NEK8: variants seen among roughly 807,000 people sequenced by gnomAD.
NEK8 encodes the protein NIMA related kinase 8.
Under a neutral mutation model 77.2 loss-of-function variants are expected in NEK8, and 51 were observed. The observed-to-expected ratio is 0.66, with a 90% CI of 0.53 to 0.83. The LOEUF is 0.83. Among genes scored for constraint, NEK8 ranks in the 40% least tolerant of loss-of-function variants. The pLI is 0.00. For missense variants in NEK8, 787 were observed against 909.2 expected, an observed-to-expected ratio of 0.87 and a Z score of 1.73; for synonymous variants, 365 against 363.2, an observed-to-expected ratio of 1.00 and a Z score of -0.06.
At chr17:28,739,054 C>G (rs770538383) in intron 9 of NEK8, 30 bp from the exon 10 acceptor site, 3 of 1,541,192 alleles carry the variant, frequency 1.9e-6, no homozygotes, top group South Asian at 1.1e-5. Flanking sequence ...ACCCTTTGCC[C>G]AGTTTCTCCT....
chr17:28,731,872 TGGGATTACAGGC>T (rs1187208091), intron 1 of NEK8, among the ~76,000 whole-genome samples: 1 of 145,230 alleles, frequency 6.9e-6, no homozygotes, highest in East Asian at 2.1e-4. Flanking sequence ...CCCAAAGGCC[TGGGATTACAGGC>T]GTGAGCCACC....
intron 2 of NEK8, 95 bp downstream of exon 2, chr17:28,734,283 A>G: frequency 8.8e-7 from 1 of 1,131,284 alleles, no homozygotes; most frequent in Non-Finnish European, 1.3e-6. Flanking sequence ...TGGAATGGGC[A>G]TGGCCAAGGG....
Position 28,737,962 on chromosome 17 carries a change from G to T in NEK8, c.1033G>T (p.Ala345Ser), listed in dbSNP as rs1429254135. 1 of 1,612,328 alleles carries T rather than the reference G, an allele frequency of 6.2e-7. No homozygotes were observed. The highest frequency in any genetic ancestry group is 8.5e-7 in the Non-Finnish European group (1 of 1,179,066). ...VQVAAGRTQKAGVTRSGRLIL... is the reference protein window; with the variant it reads ...VQVAAGRTQKSGVTRSGRLIL... ...GGTGGCAGCTGGGCGCACGCAGAAA[G>T]CCGGCGTCACGCGCTCTGGGCGTCT... is the stretch of plus-strand genomic sequence containing the variant. The change falls in exon 7 of 15, where the codon GCC becomes TCC. Residue 345 changes from alanine to serine, a missense_variant. Ala to Ser is a moderately conservative substitution (Grantham distance 99). Around this residue, in one of 2 missense-constraint regions of NEK8, gnomAD observed 516 missense variants for 544.0 expected, o/e 0.95. Coordinates refer to ENST00000268766, the MANE Select transcript of NEK8 (RefSeq NM_178170.3). The surrounding 1 kb of genome is among the most constrained non-coding windows in gnomAD (Gnocchi z 4.8).
Position 28,737,371 on chromosome 17 carries a change from C to T in NEK8, c.684C>T (p.Ser228=), listed in dbSNP as rs2034374985. 1.9e-6 allele frequency: 3 copies of T among 1,613,736 alleles called. No individual in the cohort carries two copies. The highest frequency in any genetic ancestry group is 2.7e-5 in the African/African-American group (2 of 74,932). The change falls in exon 5 of 15, where the codon AGC becomes AGT. Residue 228 remains serine, a synonymous_variant. Transcript: ENST00000268766. The surrounding 1 kb of genome is among the most constrained non-coding windows in gnomAD (Gnocchi z 4.8). ...GTFAPISDRY[S]PELRQLVLSL... is the part of the protein sequence containing the mutation. The stretch of plus-strand genomic sequence containing the variant: ...TTGCACCTATCTCTGACCGGTACAG[C>T]CCTGAGCTTCGCCAGCTGGTCCTGA...
chr17:28,741,436 A>C lies in NEK8; in HGVS notation c.1915A>C (p.Lys639Gln), dbSNP rs148904248. 76 of 1,613,972 alleles carry C rather than the reference A, an allele frequency of 4.7e-5. No individual in the cohort carries two copies. The highest frequency in any genetic ancestry group is 5.8e-5 in the Non-Finnish European group (69 of 1,180,008). ...GAESEVYSWG[K>Q]GARGRLGRRD... ...AGAGAGCGAAGTGTACTCTTGGGGCAAAGGGGCGCGAGGTCGATTGGGAAG... is the reference window on the plus strand; with the variant it reads ...AGAGAGCGAAGTGTACTCTTGGGGCCAAGGGGCGCGAGGTCGATTGGGAAG... Residue 639 changes from lysine to glutamine, a missense_variant, in exon 14 of 15, where the codon AAA (lysine) becomes CAA (glutamine). This residue lies in a region of NEK8 where 516 missense variants were observed against 544.0 expected (regional missense o/e 0.95). Coordinates refer to ENST00000268766, the MANE Select transcript of NEK8 (RefSeq NM_178170.3). This position sits in a 1 kb window ranked among gnomAD's most constrained non-coding sequence, Gnocchi z 4.5.
At position 28,737,881 on chromosome 17, in the gene NEK8, G is replaced by A; in HGVS notation, c.952G>A (p.Gly318Ser). Residue 318 changes from glycine to serine, a missense_variant, in exon 7 of 15, where the codon GGT becomes AGT. Transcript: ENST00000268766. The surrounding 1 kb of genome is among the most constrained non-coding windows in gnomAD (Gnocchi z 4.8). ...ACCACTGTCGTCAGTGTATGCCTGG[G>A]GTGGTGGGCTGGGCACCCCCCTGCG... The part of the protein sequence containing the change: ...PPPLSSVYAW[G>S]GGLGTPLRLP... 1 of 1,613,908 alleles carries A rather than the reference G, an allele frequency of 6.2e-7. No homozygotes were observed. Among genetic ancestry groups the A allele is most frequent in the Non-Finnish European group, 8.5e-7 (1 of 1,180,004 alleles).
chr17:28,734,558 C>T (rs950897290), intron 2 of NEK8: 28 of 594,536 alleles, frequency 4.7e-5, no homozygotes, highest in African/African-American at 3.2e-4. Flanking sequence ...GTGGCAGGCA[C>T]CTGTAGTCCC....
In NEK8 at chr17:28,742,169, T is replaced by C; in HGVS notation, c.*182T>C. ...GATATGGAAACCTCAACCACTTTGT[T>C]CTCCTACCACCTCTTTGCCCTTCCT... On this transcript the variant is annotated 3_prime_UTR_variant, in exon 15 of 15. Coordinates refer to ENST00000268766, the MANE Select transcript of NEK8 (RefSeq NM_178170.3). 1.4e-6 allele frequency: 1 copy of C among 714,352 alleles called. No homozygotes were observed. The highest frequency in any genetic ancestry group is 1.5e-5 in the South Asian group (1 of 68,110). 44.3% of individuals were successfully genotyped at this position (714,352 alleles called of 1,614,324 possible). A position where few individuals can be genotyped will look rare whatever the true frequency, so the allele number is the denominator to read the frequency against.
chr17:28,734,410 C>T (rs1276794247), intron 2 of NEK8: 1 of 598,746 alleles, frequency 1.7e-6, no homozygotes, highest in Non-Finnish European at 3.0e-6. Flanking sequence ...TGGCTCATGC[C>T]TGTAATCTCA....
chr17:28,731,669 T>C (rs2034308091), intron 1 of NEK8, among the ~76,000 whole-genome samples: 1 of 151,324 alleles, frequency 6.6e-6, no homozygotes, highest in African/African-American at 2.4e-5. Flanking sequence ...AGTGGCACCA[T>C]CTCGGCTCAT....
rs1343752077 is a variant in NEK8, at chr17:28,740,850, TCC to T, written c.1599_1600del (p.Leu534GlyfsTer47). Reference sequence around the variant, plus strand: ...CAACAAGCTGGGCCTGGACCACCTCTCCCTGGGGGAGGAGCCTGTCCCCCACC... The same window carrying T: ...CAACAAGCTGGGCCTGGACCACCTCTCTGGGGGAGGAGCCTGTCCCCCACC... Reference protein sequence around the residue: ...RFNKLGLDHLSLGEEPVPHQQ... With the variant: ...RFNKLGLDHLXLGEEPVPHQQ... On this transcript the variant is annotated frameshift_variant, in exon 12 of 15. Coordinates refer to ENST00000268766, the MANE Select transcript of NEK8 (RefSeq NM_178170.3). LOFTEE classifies it high-confidence loss of function. This position sits in a 1 kb window ranked among gnomAD's most constrained non-coding sequence, Gnocchi z 4.7. The T allele has an allele frequency of 6.2e-7, 1 of 1,614,008 alleles. No homozygotes were observed. The highest frequency in any genetic ancestry group is 1.7e-5 in the Admixed American group (1 of 60,020).
chr17:28,731,398 C>T (rs1015392132), intron 1 of NEK8, among the ~76,000 whole-genome samples: 2 of 150,890 alleles, frequency 1.3e-5, no homozygotes, highest in African/African-American at 2.4e-5. Context: ...ATTAGCTGGG[C>T]GTGGGTGGCA....
In NEK8 at chr17:28,741,274, A is replaced by C. The variant is rs1245906395; in HGVS notation, c.1891+38A>C. Reference sequence around the variant, plus strand: ...CATGGTGGGGGCAGACAGTGCCATGAGCAGTGGGGGGTGGGGGTTGCTATT... The same window carrying C: ...CATGGTGGGGGCAGACAGTGCCATGCGCAGTGGGGGGTGGGGGTTGCTATT... On this transcript the variant is annotated intron_variant, in intron 13 of 14. Transcript: ENST00000268766. The surrounding 1 kb of genome is among the most constrained non-coding windows in gnomAD (Gnocchi z 4.5). 1.3e-6 allele frequency: 2 copies of C among 1,568,264 alleles called. No homozygotes were observed. Among genetic ancestry groups the C allele is most frequent in the Admixed American group, 3.4e-5 (2 of 58,820 alleles).
In NEK8 at chr17:28,741,989, GCACCCGGATTCACCTCTGGAC is replaced by G. The variant is rs1567762802; in HGVS notation, c.*8_*28del. On this transcript the variant is annotated 3_prime_UTR_variant, in exon 15 of 15. Coordinates refer to ENST00000268766, the MANE Select transcript of NEK8 (RefSeq NM_178170.3). The surrounding 1 kb of genome is among the most constrained non-coding windows in gnomAD (Gnocchi z 4.5). Reference sequence around the variant, plus strand: ...ACAGATGAGCCGGTCCCCCCCTGAGGCACCCGGATTCACCTCTGGACCACCCTGATATTGCTTCTCCTCTGA... The same window carrying G: ...ACAGATGAGCCGGTCCCCCCCTGAGGCACCCTGATATTGCTTCTCCTCTGA... 6.2e-7 allele frequency: 1 copy of G among 1,613,930 alleles called. No homozygotes were observed. The highest frequency in any genetic ancestry group is 1.7e-5 in the Admixed American group (1 of 60,000).
In NEK8 at chr17:28,740,967, C is replaced by T; in HGVS notation, c.1714C>T (p.His572Tyr). ...GCTGAGTATAGACCTGGGCACTGCT[C>T]ACTCAGCTGCTGTGACTGGTGAGGA... is the stretch of plus-strand genomic sequence containing the variant. ...PLLSIDLGTA[H>Y]SAAVTASGDC... The change falls in exon 12 of 15, where the codon CAC (histidine) becomes TAC (tyrosine). Residue 572 changes from histidine to tyrosine, a missense_variant. His to Tyr is a moderately conservative substitution (Grantham distance 83, BLOSUM62 2). Transcript: ENST00000268766. This position sits in a 1 kb window ranked among gnomAD's most constrained non-coding sequence, Gnocchi z 4.7. The T allele has an allele frequency of 3.1e-6, 5 of 1,614,146 alleles. No individual in the cohort carries two copies. The highest frequency in any genetic ancestry group is 4.2e-6 in the Non-Finnish European group (5 of 1,180,034).
chr17:28,737,418 C>A lies in NEK8; in HGVS notation c.731C>A (p.Ala244Asp). 2 of 1,613,350 alleles carry A rather than the reference C, an allele frequency of 1.2e-6. No individual in the cohort carries two copies. The highest frequency in any genetic ancestry group is 1.7e-6 in the Non-Finnish European group (2 of 1,180,022). The stretch of plus-strand genomic sequence containing the variant: ...CTGAGTCTACTCAGCCTGGAGCCTG[C>A]CCAGCGGCCACCACTCAGCCACATC... The part of the protein sequence containing the change: ...LVLSLLSLEP[A>D]QRPPLSHIMA... The change falls in exon 5 of 15, where the codon GCC becomes GAC. Residue 244 changes from alanine (A) to aspartate (D), a missense_variant. Around this residue, in one of 2 missense-constraint regions of NEK8, gnomAD observed 271 missense variants for 365.1 expected, o/e 0.74. Transcript: ENST00000268766. This position sits in a 1 kb window ranked among gnomAD's most constrained non-coding sequence, Gnocchi z 4.8.
At chr17:28,738,052 G>A (rs1004689857) in intron 7 of NEK8, 43 bp from the exon 8 acceptor site, 2 of 1,612,914 alleles carry the variant, frequency 1.2e-6, no homozygotes, top group African/African-American at 2.7e-5. Flanking sequence ...GTCCACAGCA[G>A]GGTTGGGGTG....
At chr17:28,733,407 C>CT in intron 1 of NEK8, among the ~76,000 whole-genome samples, 1 of 152,282 alleles carries the variant, frequency 6.6e-6, no homozygotes, top group East Asian at 1.9e-4. Flanking sequence ...CTTAGATCAG[C>CT]TTATAGTCCA....
intron 1 of NEK8, among the ~76,000 whole-genome samples, chr17:28,731,625 A>G (rs1359707320): frequency 6.6e-6 from 1 of 150,492 alleles, no homozygotes; most frequent in Non-Finnish European, 1.5e-5. Context: ...TTTTTCTGAG[A>G]CAGAGTCTCG....
Sources: allele counts gnomAD v4.1 joint callset (sites outside exome capture counted in the v4.1 genomes callset), GRCh38; gene constraint gnomAD v4.1.1; regional missense constraint gnomAD v4.1.1; non-coding constraint Gnocchi (gnomAD v3.1); transcripts MANE v1.5; gene names NCBI Gene and HGNC (gene_info 2026-07-23, HGNC 2026-07-21).